Variants in CLNK observed in about 807,000 individuals in gnomAD.
CLNK encodes cytokine dependent hematopoietic cell linker, also known as cytokine-dependent hematopoietic cell linker.
A neutral mutation model predicts 68.6 loss-of-function variants in CLNK; 74 were observed. That is an observed-to-expected ratio of 1.08 (90% CI 0.89 to 1.31). CLNK has a LOEUF of 1.31. Ranked by LOEUF, CLNK falls within the 50% of genes most tolerant of loss-of-function variation. The pLI is 0.00. For synonymous variants in CLNK, 198 were observed against 172.2 expected (o/e 1.15, Z -1.17); for missense variants, 553 against 515.3 (o/e 1.07, Z -0.71).
intron 2 of CLNK, among the ~76,000 whole-genome samples, chr4:10,654,554 A>G (rs1723886755): frequency 6.6e-6 from 1 of 151,068 alleles, no homozygotes; most frequent in Admixed American, 6.6e-5. Flanking sequence ...AATCTAGCCT[A>G]ACCAGTGTAG....
intron 2 of CLNK, among the ~76,000 whole-genome samples, chr4:10,630,659 A>G (rs1471187838): frequency 6.6e-6 from 1 of 152,188 alleles, no homozygotes; most frequent in Non-Finnish European, 1.5e-5. Flanking sequence ...TATCTACACC[A>G]TCTGAGCATC....
At chr4:10,700,893 A>C in the CLNK span, among the ~76,000 whole-genome samples, 2 of 152,234 alleles carry the variant, frequency 1.3e-5, no homozygotes, top group Admixed American at 1.3e-4. Flanking sequence ...AATGATGCAC[A>C]TATAATTACA....
chr4:10,628,901 A>G (rs955935990), intron 2 of CLNK, among the ~76,000 whole-genome samples: 7 of 152,188 alleles, frequency 4.6e-5, no homozygotes, highest in Non-Finnish European at 1.0e-4. Context: ...ATATTGCAGG[A>G]AGGAAGGCTA....
chr4:10,514,646 C>G lies in CLNK; in HGVS notation c.773-1049G>C, dbSNP rs1717749397. 5.3e-5 allele frequency among the ~76,000 whole-genome samples: 8 copies of G among 151,066 alleles called. No individual in the cohort carries two copies. The South Asian group carries it at 1.7e-3, about 32-fold the overall frequency. On this transcript the variant is annotated intron_variant, in intron 15 of 18. Transcript: ENST00000226951. Reference sequence around the variant, plus strand: ...AACGTTAGACCAAAAACCATAAAAACCCTAGAAGAAAACCTAGGCATTACC... The same window carrying G: ...AACGTTAGACCAAAAACCATAAAAAGCCTAGAAGAAAACCTAGGCATTACC...
intron 8 of CLNK, among the ~76,000 whole-genome samples, chr4:10,544,083 G>C (rs889282887): frequency 1.3e-5 from 2 of 152,192 alleles, no homozygotes; most frequent in African/African-American, 2.4e-5. Flanking sequence ...CTTGCTGCCT[G>C]TGTTGATGAC....
At chr4:10,595,983 A>G (rs1161753768) in intron 3 of CLNK, among the ~76,000 whole-genome samples, 1 of 152,194 alleles carries the variant, frequency 6.6e-6, no homozygotes, top group Non-Finnish European at 1.5e-5. Flanking sequence ...AGGAAGGTTC[A>G]AGAGATTCAA....
chr4:10,508,290 C>G (rs976099673), intron 16 of CLNK, among the ~76,000 whole-genome samples: 1 of 152,156 alleles, frequency 6.6e-6, no homozygotes, highest in Non-Finnish European at 1.5e-5. Flanking sequence ...TCCTTCAGCA[C>G]CACCTTCAGA....
intron 18 of CLNK, 40 bp from the exon 19 acceptor site, chr4:10,490,653 C>G: frequency 2.0e-6 from 3 of 1,518,364 alleles, no homozygotes; most frequent in Non-Finnish European, 2.7e-6. Flanking sequence ...TTTAAAATAT[C>G]TTTTGTGTCT....
intron 7 of CLNK, among the ~76,000 whole-genome samples, chr4:10,562,099 TTC>T (rs1242263009): frequency 3.2e-5 from 2 of 61,568 alleles, no homozygotes; most frequent in Non-Finnish European, 6.4e-5. Context: ...TCTTTTTCTT[TTC>T]TTTTTTTTTT....
chr4:10,667,422 T>TC (rs1724443561), intron 2 of CLNK, among the ~76,000 whole-genome samples: 1 of 151,876 alleles, frequency 6.6e-6, no homozygotes, highest in Non-Finnish European at 1.5e-5. Context: ...TGGCATTTTT[T>TC]TTTTTAATCA....
chr4:10,658,203 GC>G (rs1446540106), intron 2 of CLNK, among the ~76,000 whole-genome samples: 1 of 152,154 alleles, frequency 6.6e-6, no homozygotes, highest in Non-Finnish European at 1.5e-5. Context: ...CCTCTTATTA[GC>G]ATCCTGCTCA....
intron 1 of CLNK, among the ~76,000 whole-genome samples, chr4:10,682,549 C>G (rs1347255489): frequency 6.6e-6 from 1 of 152,226 alleles, no homozygotes; most frequent in African/African-American, 2.4e-5. Context: ...AAGCAACACA[C>G]AAAATGTATT....
chr4:10,528,020 G>C, intron 13 of CLNK, 56 bp downstream of exon 13: 2 of 1,022,104 alleles, frequency 2.0e-6, no homozygotes, highest in Non-Finnish European at 2.7e-6. Context: ...TGTAGATCTA[G>C]AAAGAGAACC....
chr4:10,680,391 T>C (rs1223086341), intron 1 of CLNK, among the ~76,000 whole-genome samples: 17 of 138,870 alleles, frequency 1.2e-4, no homozygotes, highest in African/African-American at 4.4e-4. Context: ...GGGGGAGGGA[T>C]AGCATTAGGA....
chr4:10,535,239 GAAA>G (rs1718707951), intron 11 of CLNK, among the ~76,000 whole-genome samples: 1 of 150,108 alleles, frequency 6.7e-6, no homozygotes. Flanking sequence ...AAGAAAGAAA[GAAA>G]GAAAGAAAGA....
intron 2 of CLNK, among the ~76,000 whole-genome samples, chr4:10,633,085 G>C (rs982616113): frequency 4.6e-5 from 7 of 152,116 alleles, no homozygotes; most frequent in African/African-American, 1.4e-4. Flanking sequence ...TTACAGGCAT[G>C]TGCTACCACA....
intron 11 of CLNK, among the ~76,000 whole-genome samples, chr4:10,533,974 A>G (rs1718649848): frequency 6.6e-6 from 1 of 152,242 alleles, no homozygotes; most frequent in Non-Finnish European, 1.5e-5. Context: ...CTTAAAAATC[A>G]AAGAAATTAA....
At position 10,564,781 on chromosome 4, in the gene CLNK, T is replaced by C. The variant is rs779885793; in HGVS notation, c.293-4A>G. On this transcript the variant is annotated splice_region_variant and splice_polypyrimidine_tract_variant and intron_variant, in intron 6 of 18. Transcript: ENST00000226951. ...GCAACCTTGAAATAGTGTGTATCTA[T>C]GCAAACAGAAAAATATGAAAGTCAT... 6 of 1,568,618 alleles carry C rather than the reference T, an allele frequency of 3.8e-6. No individual in the cohort carries two copies. Among genetic ancestry groups the C allele is most frequent in the Admixed American group, 1.7e-5 (1 of 59,966 alleles).
intron 18 of CLNK, among the ~76,000 whole-genome samples, chr4:10,494,979 T>G (rs1206480699): frequency 6.6e-6 from 1 of 151,584 alleles, no homozygotes. Flanking sequence ...GCCAGAAAAG[T>G]AAAGAAATCT....
Sources: allele counts gnomAD v4.1 joint callset (sites outside exome capture counted in the v4.1 genomes callset), GRCh38; gene constraint gnomAD v4.1.1; transcripts MANE v1.5; gene names NCBI Gene and HGNC (gene_info 2026-07-23, HGNC 2026-07-21).